The following PLCG2 variants were observed in gnomAD, a reference collection of about 807,000 sequenced individuals.
PLCG2 encodes 1-phosphatidylinositol 4,5-bisphosphate phosphodiesterase gamma-2.
A neutral mutation model predicts 175.6 loss-of-function variants in PLCG2; 69 were observed. The ratio of observed to expected loss-of-function variants is 0.39; its 90% CI spans 0.32 to 0.48. PLCG2 has a LOEUF of 0.48. Ranked by LOEUF, PLCG2 falls within the 20% of genes least tolerant of loss-of-function variation. PLCG2 has a pLI of 0.91. For synonymous variants in PLCG2, 827 were observed against 624.0 expected, an observed-to-expected ratio of 1.33 and a Z score of -4.85; for missense variants, 1,798 against 1,650.9, an observed-to-expected ratio of 1.09 and a Z score of -1.54.
In PLCG2 at chr16:81,873,144, G is replaced by T. The variant is rs565027089; in HGVS notation, c.648+2209G>T. On this transcript the variant is annotated intron_variant, in intron 7 of 32. Transcript: ENST00000564138. The stretch of plus-strand genomic sequence containing the variant: ...AAGATTGCAGGCTTGGGAGTTGGGA[G>T]AACTGGATTCTAGACCCACTTGACC... Among the ~76,000 whole-genome samples the T allele has an allele frequency of 5.3e-4, 81 of 152,340 alleles. No homozygotes were observed. The South Asian group carries it at 0.016, about 30-fold the overall frequency.
rs978896236 is a variant in PLCG2 at position 81,750,444 on chromosome 16, C to G, written c.-144-5426C>G. Among the ~76,000 whole-genome samples the G allele has an allele frequency of 7.6e-5, 10 of 131,178 alleles. No individual in the cohort carries two copies. The East Asian group carries it at 2.1e-3, about 28-fold the overall frequency. 86.1% of individuals were successfully genotyped at this position (131,178 alleles called of 152,430 possible). A position where few individuals can be genotyped will look rare whatever the true frequency, so the allele number is the denominator to read the frequency against. Reference sequence around the variant, plus strand: ...TCTCAAAAAAAAAAAAAAAAAAAATCCAGCACAGCAATCCCACTTCTGGAT... The same window carrying G: ...TCTCAAAAAAAAAAAAAAAAAAAATGCAGCACAGCAATCCCACTTCTGGAT... On this transcript the variant is annotated intron_variant, in intron 1 of 5. Transcript: ENST00000565054.
At chr16:81,943,467 C>G (rs989194217) in intron 30 of PLCG2, among the ~76,000 whole-genome samples, 3 of 152,130 alleles carry the variant, frequency 2.0e-5, no homozygotes, top group Admixed American at 6.5e-5. Flanking sequence ...GAAGTCCACC[C>G]CCATTATCCA....
chr16:81,891,571 A>G lies in PLCG2; in HGVS notation c.967A>G (p.Ile323Val). ...DMNNPLSHYWISSSHNTYLTG... is the reference protein window; with the variant it reads ...DMNNPLSHYWVSSSHNTYLTG... ...GAACAACCCCCTGTCTCATTACTGG[A>G]TCTCCTCGTCACATAACACGTGAGT... Residue 323 changes from isoleucine (I) to valine (V), a missense_variant, in exon 11 of 33, where the codon ATC becomes GTC. Transcript: ENST00000564138. The G allele has an allele frequency of 2.5e-6, 4 of 1,593,210 alleles. No individual in the cohort carries two copies. Among genetic ancestry groups the G allele is most frequent in the Non-Finnish European group, 2.6e-6 (3 of 1,161,180 alleles).
intron 2 of PLCG2, among the ~76,000 whole-genome samples, chr16:81,834,441 C>T (rs536062817): frequency 1.3e-5 from 2 of 152,104 alleles, no homozygotes; most frequent in African/African-American, 4.8e-5. Flanking sequence ...AGGACTCAGA[C>T]CCCAGCTTGC....
intron 8 of PLCG2, 116 bp from the exon 9 acceptor site, chr16:81,883,153 G>T: frequency 1.2e-6 from 1 of 809,282 alleles, no homozygotes. Context: ...ACCTAACACA[G>T]TGCCAGACTA....
intron 31 of PLCG2, among the ~76,000 whole-genome samples, chr16:81,952,027 A>T (rs779125817): frequency 3.9e-5 from 6 of 152,170 alleles, no homozygotes; most frequent in Non-Finnish European, 8.8e-5. Flanking sequence ...TAACAAACAG[A>T]AATGTGGTGT....
At position 81,805,500 on chromosome 16, in the gene PLCG2, G is replaced by GAA. The variant is rs1316978784; in HGVS notation, c.193+19335_193+19336dup. The stretch of plus-strand genomic sequence containing the variant: ...GGTAACAGAGCGAGACTCCATCTCA[G>GAA]AAAAAAAAAAAAAAAAAACAAAACG... On this transcript the variant is annotated intron_variant, in intron 2 of 32. Coordinates refer to ENST00000564138, the MANE Select transcript of PLCG2 (RefSeq NM_002661.5). Among the ~76,000 whole-genome samples the GAA allele has an allele frequency of 1.1e-3, 60 of 54,094 alleles. 1 individual carries two copies. Among genetic ancestry groups the GAA allele is most frequent in the African/African-American group, 1.9e-3 (32 of 17,122 alleles). The allele number at this position is 54,094 out of a possible 152,430, so 35.5% of individuals were successfully genotyped here. A position where few individuals can be genotyped will look rare whatever the true frequency, so the allele number is the denominator to read the frequency against.
At chr16:81,862,253 T>A (rs1907020267) in intron 5 of PLCG2, among the ~76,000 whole-genome samples, 1 of 152,258 alleles carries the variant, frequency 6.6e-6, no homozygotes, top group Non-Finnish European at 1.5e-5. Flanking sequence ...GCCCGGGCAA[T>A]GGACAAGTCT....
chr16:81,878,312 A>G (rs560147020), intron 7 of PLCG2, among the ~76,000 whole-genome samples: 2 of 152,076 alleles, frequency 1.3e-5, no homozygotes, highest in African/African-American at 2.4e-5. Context: ...GAAGCCAGGC[A>G]CTGGATTCGG....
chr16:81,912,567 C>T (rs779117772), intron 18 of PLCG2, 30 bp from the exon 19 acceptor site: 15 of 1,610,518 alleles, frequency 9.3e-6, no homozygotes, highest in Middle Eastern at 1.7e-4. Flanking sequence ...GACCGCTCAC[C>T]TGGTCGTTTT....
At chr16:81,821,444 G>A (rs768285037) in intron 2 of PLCG2, among the ~76,000 whole-genome samples, 1 of 152,128 alleles carries the variant, frequency 6.6e-6, no homozygotes, top group Non-Finnish European at 1.5e-5. Flanking sequence ...GGGCAGCCTC[G>A]GTGGCTGTTG....
intron 31 of PLCG2, among the ~76,000 whole-genome samples, chr16:81,955,627 T>C (rs1360681736): frequency 6.6e-6 from 1 of 152,236 alleles, no homozygotes; most frequent in African/African-American, 2.4e-5. Flanking sequence ...GCTGTTTTCC[T>C]CTTTTTCTGG....
At position 81,889,302 on chromosome 16, in the gene PLCG2, G is replaced by C. The variant is rs369089031; in HGVS notation, c.867+29G>C. The C allele has an allele frequency of 4.7e-6, 6 of 1,281,448 alleles. No individual in the cohort carries two copies. The African/African-American group carries it at 8.8e-5, about 19-fold the overall frequency. The allele number at this position is 1,281,448 out of a possible 1,614,324, so 79.4% of individuals were successfully genotyped here. Reference sequence around the variant, plus strand: ...AGTAGGCTGGGCTTGTTGTCGCTTGGGGGTGACTTTTTGATTGATGTCTGT... The same window carrying C: ...AGTAGGCTGGGCTTGTTGTCGCTTGCGGGTGACTTTTTGATTGATGTCTGT... On this transcript the variant is annotated intron_variant, in intron 10 of 32. Coordinates refer to ENST00000564138, the MANE Select transcript of PLCG2 (RefSeq NM_002661.5).
At chr16:81,909,932 A>C (rs1008982107) in intron 17 of PLCG2, among the ~76,000 whole-genome samples, 1 of 140,994 alleles carries the variant, frequency 7.1e-6, no homozygotes, top group Non-Finnish European at 1.5e-5. Context: ...CACTTGGTTC[A>C]TATGTGGCAG....
chr16:81,777,843 G>T (rs541103928), upstream of PLCG2, among the ~76,000 whole-genome samples: 1 of 150,890 alleles, frequency 6.6e-6, no homozygotes, highest in Non-Finnish European at 1.5e-5. Context: ...TAGTGAAACC[G>T]CGTCTCTAGT....
chr16:81,755,106 T>A (rs1366566714), intron 1 of PLCG2, among the ~76,000 whole-genome samples: 1 of 152,168 alleles, frequency 6.6e-6, no homozygotes, highest in Non-Finnish European at 1.5e-5. Context: ...GAGTTCAGTC[T>A]TAGCAAGCAG....
At chr16:81,834,372 T>G (rs1463676318) in intron 2 of PLCG2, among the ~76,000 whole-genome samples, 1 of 152,162 alleles carries the variant, frequency 6.6e-6, no homozygotes, top group East Asian at 1.9e-4. Context: ...TGTGAGAGTC[T>G]TAGCCCAGGA....
At chr16:81,857,395 C>T (rs1286312139) in intron 3 of PLCG2, among the ~76,000 whole-genome samples, 2 of 152,140 alleles carry the variant, frequency 1.3e-5, no homozygotes, top group African/African-American at 4.8e-5. Flanking sequence ...GTTTAAAATC[C>T]TGTATCTTCC....
intron 1 of PLCG2, among the ~76,000 whole-genome samples, chr16:81,748,127 G>A (rs1423392089): frequency 1.3e-5 from 2 of 152,120 alleles, no homozygotes; most frequent in Non-Finnish European, 2.9e-5. Flanking sequence ...CGCCCACCTC[G>A]ACCTCCCAAA....
Sources: allele counts gnomAD v4.1 joint callset (sites outside exome capture counted in the v4.1 genomes callset), GRCh38; gene constraint gnomAD v4.1.1; transcripts MANE v1.5; gene names NCBI Gene and HGNC (gene_info 2026-07-23, HGNC 2026-07-21).